CSMD1: variants seen among roughly 807,000 people sequenced by gnomAD.
CSMD1 encodes CUB and Sushi multiple domains 1, also known as CUB and sushi domain-containing protein 1.
In CSMD1, 213 loss-of-function variants were observed where a neutral mutation model predicts 417.5. The ratio of observed to expected loss-of-function variants is 0.51; its 90% CI spans 0.46 to 0.57. The LOEUF is 0.57. Among genes scored for constraint, CSMD1 ranks in the 20% least tolerant of loss-of-function variants. The probability of loss-of-function intolerance (pLI) is 0.00; values close to 1 mark genes in which losing one functional copy is unlikely to be tolerated. For synonymous variants in CSMD1, 2,862 were observed against 1,736.8 expected (o/e 1.65, Z -16.11); for missense variants, 6,923 against 4,529.7 (o/e 1.53, Z -15.17).
At chr8:3,539,118 T>G (rs1017207360) in intron 10 of CSMD1, among the ~76,000 whole-genome samples, 2 of 152,186 alleles carry the variant, frequency 1.3e-5, no homozygotes, top group African/African-American at 2.4e-5. Flanking sequence ...CACCCGCGGA[T>G]AGCAGGGACC....
At chr8:3,472,816 T>A (rs1351304936) in intron 11 of CSMD1, among the ~76,000 whole-genome samples, 1 of 151,832 alleles carries the variant, frequency 6.6e-6, no homozygotes, top group Non-Finnish European at 1.5e-5. Flanking sequence ...AATACCTGCC[T>A]CTTAAAATCT....
chr8:4,234,073 C>G (rs982722066), intron 3 of CSMD1, among the ~76,000 whole-genome samples: 4 of 152,138 alleles, frequency 2.6e-5, no homozygotes, highest in Non-Finnish European at 5.9e-5. Flanking sequence ...CCATTAACCC[C>G]TGCCTAAGTA....
At chr8:4,228,099 T>C (rs1275281787) in intron 3 of CSMD1, among the ~76,000 whole-genome samples, 1 of 151,698 alleles carries the variant, frequency 6.6e-6, no homozygotes, top group Non-Finnish European at 1.5e-5. Flanking sequence ...ACACTCTCTA[T>C]CCTTCATTCA....
chr8:3,071,834 C>A (rs757936620), intron 49 of CSMD1, among the ~76,000 whole-genome samples: 1 of 152,120 alleles, frequency 6.6e-6, no homozygotes, highest in African/African-American at 2.4e-5. Context: ...ATTTGGTCAC[C>A]AAACCTGTCC....
intron 3 of CSMD1, among the ~76,000 whole-genome samples, chr8:4,395,016 T>C (rs1302469254): frequency 6.6e-6 from 1 of 152,102 alleles, no homozygotes; most frequent in Non-Finnish European, 1.5e-5. Context: ...GTAGACCCTT[T>C]CCCTCTGCGT....
intron 12 of CSMD1, among the ~76,000 whole-genome samples, chr8:3,434,462 T>A (rs1328650912): frequency 6.6e-6 from 1 of 152,218 alleles, no homozygotes; most frequent in Admixed American, 6.5e-5. Flanking sequence ...AAGAAAATAG[T>A]ATCCCTGACA....
chr8:3,050,306 A>C (rs2128988366), intron 50 of CSMD1, among the ~76,000 whole-genome samples: 1 of 152,298 alleles, frequency 6.6e-6, no homozygotes, highest in African/African-American at 2.4e-5. Flanking sequence ...TCAAATCTGC[A>C]AATTAGTAGT....
At chr8:4,438,003 T>C (rs1178621097) in intron 2 of CSMD1, among the ~76,000 whole-genome samples, 4 of 152,150 alleles carry the variant, frequency 2.6e-5, no homozygotes, top group African/African-American at 9.7e-5. Context: ...AGTGGTCTGA[T>C]CTGCATTTAA....
At chr8:3,994,892 C>A (rs563956085) in intron 5 of CSMD1, among the ~76,000 whole-genome samples, 1 of 152,146 alleles carries the variant, frequency 6.6e-6, no homozygotes, top group South Asian at 2.1e-4. Context: ...CTTATATGCC[C>A]TTTTTTAAAA....
At chr8:3,724,723 C>T (rs1252632041) in intron 6 of CSMD1, among the ~76,000 whole-genome samples, 1 of 152,124 alleles carries the variant, frequency 6.6e-6, no homozygotes. Context: ...TTTACACTGC[C>T]TTCTAAGTGA....
intron 11 of CSMD1, among the ~76,000 whole-genome samples, chr8:3,484,684 AT>A (rs1817925739): frequency 6.6e-6 from 1 of 152,204 alleles, no homozygotes; most frequent in Admixed American, 6.5e-5. Context: ...GCTGCAAACC[AT>A]GTATTCTACA....
intron 5 of CSMD1, among the ~76,000 whole-genome samples, chr8:3,981,688 C>G (rs1250023180): frequency 6.6e-6 from 1 of 151,808 alleles, no homozygotes; most frequent in African/African-American, 2.4e-5. Context: ...TAATTGTGCC[C>G]CAAAGAAAGG....
chr8:4,555,674 G>A (rs1320226140), intron 2 of CSMD1, among the ~76,000 whole-genome samples: 1 of 152,162 alleles, frequency 6.6e-6, no homozygotes. Context: ...ATCAGCAATG[G>A]AGAGGAATAA....
chr8:3,702,190 G>C (rs531206059), intron 7 of CSMD1: 25 of 152,170 alleles, frequency 1.6e-4, no homozygotes, highest in Admixed American at 1.4e-3. Flanking sequence ...AATGGTTCTG[G>C]ATTAATTGCC....
chr8:3,761,385 A>T (rs1227928189), intron 5 of CSMD1, among the ~76,000 whole-genome samples: 3 of 152,152 alleles, frequency 2.0e-5, no homozygotes, highest in African/African-American at 7.2e-5. Flanking sequence ...CGTATATACT[A>T]TCTGGGGAAA....
At position 2,942,468 on chromosome 8, in the gene CSMD1, G is replaced by A; in HGVS notation, c.10535+4C>T. The A allele has an allele frequency of 6.2e-7, 1 of 1,611,468 alleles. No homozygotes were observed. The highest frequency in any genetic ancestry group is 8.5e-7 in the Non-Finnish European group (1 of 1,178,470). ...TTCTCAAACAGATGGTGTTTCTGCA[G>A]TACCTGTGTTTGTAGAGGTAAAATG... On this transcript the variant is annotated splice_donor_region_variant and intron_variant, in intron 69 of 69. Transcript: ENST00000635120.
At chr8:4,932,628 G>A (rs543179879) in intron 1 of CSMD1, among the ~76,000 whole-genome samples, 10 of 152,294 alleles carry the variant, frequency 6.6e-5, no homozygotes, top group East Asian at 5.8e-4. Flanking sequence ...GCAAGTTGAC[G>A]TGTTTCTATG....
intron 5 of CSMD1, among the ~76,000 whole-genome samples, chr8:3,947,654 G>A (rs760616960): frequency 6.6e-6 from 1 of 152,120 alleles, no homozygotes; most frequent in African/African-American, 2.4e-5. Flanking sequence ...TCAATTTACA[G>A]TTTAATTATG....
intron 7 of CSMD1, among the ~76,000 whole-genome samples, chr8:3,624,327 T>C (rs1423457283): frequency 6.6e-6 from 1 of 152,188 alleles, no homozygotes; most frequent in African/African-American, 2.4e-5. Flanking sequence ...AATCCACCTT[T>C]AGAGAACAAG....
Sources: allele counts gnomAD v4.1 joint callset (sites outside exome capture counted in the v4.1 genomes callset), GRCh38; gene constraint gnomAD v4.1.1; transcripts MANE v1.5; gene names NCBI Gene and HGNC (gene_info 2026-07-23, HGNC 2026-07-21).